The following SPATA6L variants were observed in gnomAD, a reference collection of about 807,000 sequenced individuals.
SPATA6L encodes spermatogenesis associated 6 like.
In SPATA6L, 68 loss-of-function variants were observed where a neutral mutation model predicts 49.2. That is an observed-to-expected ratio of 1.38 (90% confidence interval 1.14 to 1.69). The LOEUF is 1.69. Ranked by LOEUF, SPATA6L falls within the 40% of genes most tolerant of loss-of-function variation. The pLI, the probability that SPATA6L is intolerant of heterozygous loss-of-function variation, is 0.00. For synonymous variants in SPATA6L, 198 were observed against 165.7 expected, an observed-to-expected ratio of 1.19 and a Z score of -1.50; for missense variants, 668 against 464.3, an observed-to-expected ratio of 1.44 and a Z score of -4.03.
intron 3 of SPATA6L, among the ~76,000 whole-genome samples, chr9:4,655,389 TGGGGAATAGG>T (rs1837895433): frequency 6.6e-6 from 1 of 152,134 alleles, no homozygotes; most frequent in Non-Finnish European, 1.5e-5. Flanking sequence ...GGAGGGCTGG[TGGGGAATAGG>T]GAGTGATTGC....
chr9:4,619,155 CTTTT>C (rs57028759), intron 7 of SPATA6L, among the ~76,000 whole-genome samples: 1 of 118,174 alleles, frequency 8.5e-6, no homozygotes, highest in Non-Finnish European at 1.7e-5. Context: ...CAGGTTTTCT[CTTTT>C]TTTTTTTTTT....
downstream of SPATA6L, among the ~76,000 whole-genome samples, chr9:4,593,821 C>A (rs1213907904): frequency 6.6e-6 from 1 of 152,186 alleles, no homozygotes; most frequent in East Asian, 1.9e-4. Context: ...TCTTCCACAA[C>A]CTTTGTAACC....
chr9:4,604,599 A>C (rs974083844), intron 10 of SPATA6L, among the ~76,000 whole-genome samples: 2 of 152,210 alleles, frequency 1.3e-5, no homozygotes, highest in African/African-American at 4.8e-5. Flanking sequence ...GAATTAAAGC[A>C]AAGCCAATGA....
intron 3 of SPATA6L, among the ~76,000 whole-genome samples, chr9:4,643,816 C>T (rs1834607930): frequency 6.6e-6 from 1 of 152,044 alleles, no homozygotes; most frequent in African/African-American, 2.4e-5. Context: ...ACCAGCCTGG[C>T]CAACTTGGTG....
chr9:4,651,066 G>A (rs748897848), intron 3 of SPATA6L, among the ~76,000 whole-genome samples: 4 of 151,890 alleles, frequency 2.6e-5, no homozygotes, highest in South Asian at 2.1e-4. Flanking sequence ...AGAGTGGTAC[G>A]ATCACAGCTC....
chr9:4,656,157 T>A (rs993940598), intron 2 of SPATA6L, 68 bp from the exon 3 acceptor site: 2 of 1,350,786 alleles, frequency 1.5e-6, no homozygotes, highest in African/African-American at 2.9e-5. Flanking sequence ...AAACTGTAAA[T>A]GCCAGGTGCA....
chr9:4,605,286 G>C, intron 10 of SPATA6L, 61 bp downstream of exon 10: 1 of 1,289,980 alleles, frequency 7.8e-7, no homozygotes, highest in Non-Finnish European at 1.1e-6. Flanking sequence ...CGACTAGACT[G>C]TAGGTCCCTG....
At chr9:4,647,227 T>C (rs921707451) in intron 3 of SPATA6L, among the ~76,000 whole-genome samples, 1 of 152,184 alleles carries the variant, frequency 6.6e-6, no homozygotes, top group Non-Finnish European at 1.5e-5. Context: ...CCACTTGTTA[T>C]CCATTAACAT....
At chr9:4,641,255 A>C (rs566669684) in intron 3 of SPATA6L, among the ~76,000 whole-genome samples, 3 of 152,282 alleles carry the variant, frequency 2.0e-5, no homozygotes, top group African/African-American at 7.2e-5. Flanking sequence ...TACTGTATTT[A>C]ATATATAGTC....
rs1256080226 is a variant in SPATA6L at position 4,662,559 on chromosome 9, G to C, written c.40-523C>G. The C allele has an allele frequency of 1.4e-5, 22 of 1,582,216 alleles. No homozygotes were observed. The highest frequency in any genetic ancestry group is 1.9e-5 in the Non-Finnish European group (22 of 1,172,964). ...CACCTGCGCCCGGCTCCGTGCATCG[G>C]AGAGCCCAGTTCACCGCCGCGGCTC... is the stretch of plus-strand genomic sequence containing the variant. On this transcript the variant is annotated intron_variant, in intron 1 of 11. Transcript: ENST00000682582. This position sits in a 1 kb window ranked among gnomAD's most constrained non-coding sequence, Gnocchi z 4.9.
At chr9:4,593,582 C>T (rs1302459722), downstream of SPATA6L, among the ~76,000 whole-genome samples, 1 of 152,128 alleles carries the variant, frequency 6.6e-6, no homozygotes, top group Non-Finnish European at 1.5e-5. Context: ...TCCATTTCCT[C>T]CCCACTCACA....
Position 4,644,476 on chromosome 9 carries a change from A to C in SPATA6L, c.227-9077T>G, listed in dbSNP as rs145009689. The stretch of plus-strand genomic sequence containing the variant: ...AAATTCCATATCTATGTGTTCTTCT[A>C]TCTACAGAGAAATATCAAGAAATAT... On this transcript the variant is annotated intron_variant, in intron 3 of 11. Coordinates refer to ENST00000682582, the MANE Select transcript of SPATA6L (RefSeq NM_001353486.2). Among the ~76,000 whole-genome samples the C allele has an allele frequency of 3.5e-4, 54 of 152,214 alleles. 1 individual carries two copies. The East Asian group carries it at 0.01, about 28-fold the overall frequency.
At chr9:4,644,300 T>C (rs1834786114) in intron 3 of SPATA6L, among the ~76,000 whole-genome samples, 1 of 146,562 alleles carries the variant, frequency 6.8e-6, no homozygotes, top group African/African-American at 2.5e-5. Flanking sequence ...CAGGAGGTCA[T>C]ACCACTGCAT....
chr9:4,658,569 C>T (rs138693323), intron 2 of SPATA6L, among the ~76,000 whole-genome samples: 2 of 152,268 alleles, frequency 1.3e-5, no homozygotes, highest in East Asian at 3.9e-4. Flanking sequence ...AGCTTTTCAA[C>T]AGAGCCATAG....
chr9:4,609,921 TTAAGCTGA>T (rs1435293414), intron 9 of SPATA6L, among the ~76,000 whole-genome samples: 3 of 152,178 alleles, frequency 2.0e-5, no homozygotes, highest in Admixed American at 2.0e-4. Flanking sequence ...CAAAATCTCC[TTAAGCTGA>T]TAAGCAACTT....
chr9:4,617,034 G>A (rs1828186858), intron 9 of SPATA6L, among the ~76,000 whole-genome samples: 1 of 152,136 alleles, frequency 6.6e-6, no homozygotes. Flanking sequence ...GAGTTATTAT[G>A]TCATTTCTGA....
At chr9:4,616,671 C>T (rs1260779380) in intron 9 of SPATA6L, among the ~76,000 whole-genome samples, 4 of 152,200 alleles carry the variant, frequency 2.6e-5, no homozygotes, top group Non-Finnish European at 4.4e-5. Context: ...CCCCAACCTC[C>T]GCCTCCCGGG....
rs1160895860 is a variant in SPATA6L, at chr9:4,625,568, T to A, written c.430-2A>T. ...CCTCCGTGACTCATGTCTTTCTTCC[T>A]GAAATAAACAAAAAAAGAATATTTT... On this transcript the variant is annotated splice_acceptor_variant, in intron 5 of 11. Transcript: ENST00000682582. LOFTEE classifies it high-confidence loss of function. 2.0e-6 allele frequency: 3 copies of A among 1,487,172 alleles called. No individual in the cohort carries two copies. The highest frequency in any genetic ancestry group is 4.8e-5 in the East Asian group (2 of 41,694). The allele number at this position is 1,487,172 out of a possible 1,614,324, so 92.1% of individuals were successfully genotyped here.
At chr9:4,660,354 A>T (rs1839325933) in intron 2 of SPATA6L, among the ~76,000 whole-genome samples, 1 of 152,258 alleles carries the variant, frequency 6.6e-6, no homozygotes, top group Non-Finnish European at 1.5e-5. Flanking sequence ...AAAAAACCCC[A>T]TCAAAAAGTG....
Sources: allele counts gnomAD v4.1 joint callset (sites outside exome capture counted in the v4.1 genomes callset), GRCh38; gene constraint gnomAD v4.1.1; non-coding constraint Gnocchi (gnomAD v3.1); transcripts MANE v1.5; gene names NCBI Gene and HGNC (gene_info 2026-07-23, HGNC 2026-07-21).